Variants in HEPHL1 observed in about 807,000 individuals in gnomAD.
HEPHL1 encodes hephaestin like 1.
HEPHL1 carries 123 observed loss-of-function variants against 122.0 expected under a neutral mutation model. The ratio of observed to expected loss-of-function variants is 1.01; its 90% CI spans 0.87 to 1.17. HEPHL1 has a LOEUF of 1.17. Among genes scored for constraint, HEPHL1 ranks in the 50% most tolerant of loss-of-function variants. The pLI is 0.00. For missense variants in HEPHL1, 1,452 were observed against 1,430.5 expected, an observed-to-expected ratio of 1.01 and a Z score of -0.24; for synonymous variants, 527 against 508.9, an observed-to-expected ratio of 1.04 and a Z score of -0.48.
chr11:94,112,455 C>A lies in HEPHL1; in HGVS notation c.*561C>A, dbSNP rs1946458575. On this transcript the variant is annotated 3_prime_UTR_variant, in exon 20 of 20. Transcript: ENST00000315765. The stretch of plus-strand genomic sequence containing the variant: ...AATTTTTTGGAGGCTTTAACCAGCT[C>A]TCCTGGCCTTTTCCTCTTTGATATA... The A allele has an allele frequency of 6.6e-6, 1 of 152,248 alleles. No homozygotes were observed. The highest frequency in any genetic ancestry group is 2.1e-4 in the South Asian group (1 of 4,838). 9.4% of individuals were successfully genotyped at this position (152,248 alleles called of 1,614,324 possible).
At position 94,051,515 on chromosome 11, in the gene HEPHL1, A is replaced by G. The variant is rs567700976; in HGVS notation, c.415+5598A>G. Among the ~76,000 whole-genome samples, 240 of 151,714 alleles carry G rather than the reference A, an allele frequency of 1.6e-3. 3 individuals carry two copies. Among genetic ancestry groups the G allele is most frequent in the African/African-American group, 5.5e-3 (229 of 41,420 alleles). ...TAATCTGGTAATTAGATTTTTTCCT[A>G]TAGTGTTCCTTATATATTCTGGTTA... On this transcript the variant is annotated intron_variant, in intron 2 of 19. Transcript: ENST00000315765.
At chr11:94,057,602 A>G (rs955244219) in intron 2 of HEPHL1, among the ~76,000 whole-genome samples, 3 of 152,094 alleles carry the variant, frequency 2.0e-5, no homozygotes, top group Non-Finnish European at 2.9e-5. Flanking sequence ...CAAAATTCCA[A>G]TTGGATTCTT....
chr11:94,098,876 G>A (rs911996269), intron 13 of HEPHL1, among the ~76,000 whole-genome samples: 2 of 152,098 alleles, frequency 1.3e-5, no homozygotes, highest in African/African-American at 4.8e-5. Flanking sequence ...GGTCATTTAA[G>A]GACTTCTCTA....
intron 5 of HEPHL1, 135 bp from the exon 6 acceptor site, chr11:94,070,238 TA>T (rs1183411116): frequency 1.5e-5 from 11 of 722,260 alleles, no homozygotes; most frequent in Non-Finnish European, 2.3e-5. Flanking sequence ...TTATCCTTTT[TA>T]AAAAAACTTT....
At chr11:94,099,206 TC>T in intron 13 of HEPHL1, among the ~76,000 whole-genome samples, 1 of 152,368 alleles carries the variant, frequency 6.6e-6, no homozygotes, top group East Asian at 1.9e-4. Flanking sequence ...GGATTTGCTC[TC>T]TGTTTGTTAG....
At position 94,027,458 on chromosome 11, in the gene HEPHL1, G is replaced by A. The variant is rs545539030; in HGVS notation, c.170+5920G>A. On this transcript the variant is annotated intron_variant, in intron 1 of 19. Coordinates refer to ENST00000315765, the MANE Select transcript of HEPHL1 (RefSeq NM_001098672.2). ...GGTTCTTTGGAGAGCAGGAGCCCTG[G>A]GGGAAAGACCTTGGCTGGTCACATT... Among the ~76,000 whole-genome samples, 9 of 152,268 alleles carry A rather than the reference G, an allele frequency of 5.9e-5. No homozygotes were observed. In the South Asian group the frequency reaches 1.7e-3, roughly 28 times the overall value.
Position 94,070,418 on chromosome 11 carries a change from A to AT in HEPHL1, c.1112dup (p.Tyr372LeufsTer16), listed in dbSNP as rs1019118249. ...CAATGTTGATAACTGCAAAAGTGATATTTTCTACCCCAAGATGAAGGGTCA... is the reference window on the plus strand; with the variant it reads ...CAATGTTGATAACTGCAAAAGTGATATTTTTCTACCCCAAGATGAAGGGTCA... On this transcript the variant is annotated frameshift_variant, in exon 6 of 20. Transcript: ENST00000315765. LOFTEE classifies it high-confidence loss of function. 1.9e-6 allele frequency: 3 copies of AT among 1,604,190 alleles called. No individual in the cohort carries two copies. The highest frequency in any genetic ancestry group is 2.6e-6 in the Non-Finnish European group (3 of 1,174,916).
intron 1 of HEPHL1, among the ~76,000 whole-genome samples, chr11:94,037,274 C>A (rs1041499401): frequency 5.9e-5 from 9 of 151,918 alleles, no homozygotes; most frequent in Non-Finnish European, 1.3e-4. Context: ...AACTGCAAGG[C>A]GGCAGCGAGG....
intron 4 of HEPHL1, 54 bp from the exon 5 acceptor site, chr11:94,067,442 G>C (rs1226673331): frequency 7.6e-6 from 12 of 1,576,296 alleles, no homozygotes; most frequent in Non-Finnish European, 1.0e-5. Flanking sequence ...AACATTTCTG[G>C]TCCCAGTCGC....
chr11:94,038,175 G>A (rs2134409777), intron 1 of HEPHL1, among the ~76,000 whole-genome samples: 1 of 150,990 alleles, frequency 6.6e-6, no homozygotes, highest in Non-Finnish European at 1.5e-5. Context: ...AGAGAAAAAA[G>A]AATAAAAAGA....
chr11:94,041,618 T>C (rs1200856613), intron 1 of HEPHL1, among the ~76,000 whole-genome samples: 12 of 87,778 alleles, frequency 1.4e-4, no homozygotes, highest in African/African-American at 4.5e-4. Context: ...AAACAAGCAA[T>C]GGGGAAAGGA....
intron 3 of HEPHL1, among the ~76,000 whole-genome samples, chr11:94,064,046 T>A (rs1243336740): frequency 1.3e-5 from 2 of 152,236 alleles, no homozygotes; most frequent in African/African-American, 4.8e-5. Flanking sequence ...TGCTATTTTA[T>A]CCCTTATTAG....
intron 1 of HEPHL1, among the ~76,000 whole-genome samples, chr11:94,033,713 G>C (rs1014695246): frequency 3.9e-5 from 6 of 152,106 alleles, no homozygotes; most frequent in Admixed American, 3.3e-4. Context: ...TGCCAATATG[G>C]GGACAAACTC....
intron 13 of HEPHL1, among the ~76,000 whole-genome samples, chr11:94,095,488 G>C (rs1281223672): frequency 1.3e-5 from 2 of 152,050 alleles, no homozygotes; most frequent in Non-Finnish European, 2.9e-5. Flanking sequence ...GCTCTTTTTT[G>C]GTTCCATATG....
At chr11:94,086,285 A>G (rs758681962) in intron 11 of HEPHL1, 96 bp downstream of exon 11, 2 of 881,000 alleles carry the variant, frequency 2.3e-6, no homozygotes. Flanking sequence ...GACTTTGTGC[A>G]CTTCAAGTGG....
intron 5 of HEPHL1, 96 bp downstream of exon 5, chr11:94,067,846 C>T (rs10765650): frequency 0.58 from 593,473 of 1,022,102 alleles, 173,897 homozygotes; most frequent in South Asian, 0.67. Context: ...TTAGATAGAG[C>T]CTTGTATGTA....
chr11:94,112,717 C>T lies in HEPHL1; in HGVS notation c.*823C>T, dbSNP rs535605260. ...TCTGTAAAAGAACATGTTAGGCTCTCCCTTTATGAATCAGGGACTCCCTGA... is the reference window on the plus strand; with the variant it reads ...TCTGTAAAAGAACATGTTAGGCTCTTCCTTTATGAATCAGGGACTCCCTGA... On this transcript the variant is annotated 3_prime_UTR_variant, in exon 20 of 20. Coordinates refer to ENST00000315765, the MANE Select transcript of HEPHL1 (RefSeq NM_001098672.2). 6.6e-6 allele frequency: 1 copy of T among 152,310 alleles called. No homozygotes were observed. The highest frequency in any genetic ancestry group is 1.9e-4 in the East Asian group (1 of 5,180). The allele number at this position is 152,310 out of a possible 1,614,324, so 9.4% of individuals were successfully genotyped here.
intron 13 of HEPHL1, among the ~76,000 whole-genome samples, chr11:94,094,701 T>C (rs1946295714): frequency 6.6e-6 from 1 of 152,236 alleles, no homozygotes; most frequent in African/African-American, 2.4e-5. Flanking sequence ...GTAACTGGTA[T>C]GAGATGGTAT....
Position 94,104,796 on chromosome 11 carries a change from A to G in HEPHL1, c.2905+46A>G. ...GAAGCCTATGTTGAGATAAGCTCAT[A>G]GGAATTCCTGTAAATGTAGGAGGCT... On this transcript the variant is annotated intron_variant, in intron 16 of 19. Transcript: ENST00000315765. 5 of 1,411,152 alleles carry G rather than the reference A, an allele frequency of 3.5e-6. No homozygotes were observed. In the South Asian group the frequency reaches 3.7e-5, roughly 11 times the overall value. The allele number at this position is 1,411,152 out of a possible 1,614,324, so 87.4% of individuals were successfully genotyped here. A position where few individuals can be genotyped will look rare whatever the true frequency, so the allele number is the denominator to read the frequency against.
Sources: allele counts gnomAD v4.1 joint callset (sites outside exome capture counted in the v4.1 genomes callset), GRCh38; gene constraint gnomAD v4.1.1; transcripts MANE v1.5; gene names NCBI Gene and HGNC (gene_info 2026-07-23, HGNC 2026-07-21).